ADGRB3: variants seen among roughly 807,000 people sequenced by gnomAD.
The protein encoded by ADGRB3 is brain-specific angiogenesis inhibitor 3.
A neutral mutation model predicts 193.4 loss-of-function variants in ADGRB3; 37 were observed. That is an observed-to-expected ratio of 0.19 (90% CI 0.15 to 0.25). The LOEUF is 0.25. ADGRB3 is among the 10% of genes least tolerant of loss of function. The pLI is 1.00. For missense variants in ADGRB3, 1,637 were observed against 1,852.9 expected, an observed-to-expected ratio of 0.88 and a Z score of 2.14; for synonymous variants, 690 against 644.2, an observed-to-expected ratio of 1.07 and a Z score of -1.08.
At chr6:69,178,622 G>C (rs749422514) in intron 17 of ADGRB3, among the ~76,000 whole-genome samples, 2 of 152,058 alleles carry the variant, frequency 1.3e-5, no homozygotes, top group Non-Finnish European at 2.9e-5. Context: ...ACTCCCTTAA[G>C]GATTTCTCAT....
chr6:69,017,574 T>C (rs1770131739), intron 12 of ADGRB3, among the ~76,000 whole-genome samples: 3 of 151,930 alleles, frequency 2.0e-5, no homozygotes, highest in Non-Finnish European at 4.4e-5. Flanking sequence ...CACTCGTCCA[T>C]TTGTACTGTA....
chr6:69,304,935 G>A (rs1267852290), intron 20 of ADGRB3, among the ~76,000 whole-genome samples: 1 of 151,486 alleles, frequency 6.6e-6, no homozygotes, highest in Non-Finnish European at 1.5e-5. Flanking sequence ...CAAACATTTA[G>A]GATGAAGTTT....
intron 22 of ADGRB3, among the ~76,000 whole-genome samples, chr6:69,328,385 G>A (rs1377307970): frequency 6.6e-6 from 1 of 152,166 alleles, no homozygotes; most frequent in Admixed American, 6.5e-5. Context: ...GACCGTGGAA[G>A]AAATTAAAAG....
At chr6:68,900,578 T>A (rs1454089287) in intron 3 of ADGRB3, among the ~76,000 whole-genome samples, 2 of 152,140 alleles carry the variant, frequency 1.3e-5, no homozygotes, top group Non-Finnish European at 2.9e-5. Context: ...TGAATTTCAG[T>A]CAGTGTCCTT....
At chr6:69,126,224 TA>T (rs928526483) in intron 17 of ADGRB3, among the ~76,000 whole-genome samples, 21 of 77,978 alleles carry the variant, frequency 2.7e-4, no homozygotes, top group Non-Finnish European at 3.6e-4. Flanking sequence ...GATAGATAAA[TA>T]GATACACACA....
intron 20 of ADGRB3, among the ~76,000 whole-genome samples, chr6:69,257,211 G>A (rs922045331): frequency 9.2e-5 from 14 of 152,180 alleles, no homozygotes; most frequent in Admixed American, 6.5e-4. Flanking sequence ...AATGATGCTG[G>A]CCTCATAAAA....
At chr6:69,303,226 A>G (rs1214441233) in intron 20 of ADGRB3, among the ~76,000 whole-genome samples, 3 of 151,886 alleles carry the variant, frequency 2.0e-5, no homozygotes, top group African/African-American at 7.2e-5. Flanking sequence ...TGAACACTGA[A>G]ACTAAAGCAA....
At chr6:69,254,886 T>C (rs1766719278) in intron 20 of ADGRB3, among the ~76,000 whole-genome samples, 1 of 120,298 alleles carries the variant, frequency 8.3e-6, no homozygotes. Flanking sequence ...GTCCCCAGAG[T>C]GTGATGTTCC....
intron 20 of ADGRB3, among the ~76,000 whole-genome samples, chr6:69,282,141 T>C (rs1287229507): frequency 6.6e-6 from 1 of 152,162 alleles, no homozygotes; most frequent in African/African-American, 2.4e-5. Context: ...CCACTCTGTT[T>C]TCTCAAGAGC....
chr6:68,882,313 T>A (rs1765754494), intron 3 of ADGRB3, among the ~76,000 whole-genome samples: 1 of 152,148 alleles, frequency 6.6e-6, no homozygotes, highest in Non-Finnish European at 1.5e-5. Context: ...ATGTATGTAG[T>A]TTGCATACAA....
chr6:69,240,245 G>T (rs1258502699), intron 20 of ADGRB3, among the ~76,000 whole-genome samples: 2 of 152,036 alleles, frequency 1.3e-5, no homozygotes, highest in African/African-American at 2.4e-5. Context: ...TGCTTTAAGT[G>T]ATTCTGATAA....
At chr6:69,244,296 G>T (rs1054974607) in intron 20 of ADGRB3, among the ~76,000 whole-genome samples, 1 of 152,038 alleles carries the variant, frequency 6.6e-6, no homozygotes, top group African/African-American at 2.4e-5. Flanking sequence ...TGAATAGAGA[G>T]AATTAGAAAA....
chr6:68,870,871 T>G (rs1364763772), intron 3 of ADGRB3, among the ~76,000 whole-genome samples: 2 of 152,196 alleles, frequency 1.3e-5, no homozygotes. Flanking sequence ...GATTGCTATG[T>G]TATTAAACCA....
intron 8 of ADGRB3, among the ~76,000 whole-genome samples, chr6:68,974,468 G>T (rs1332965562): frequency 6.6e-6 from 1 of 151,856 alleles, no homozygotes; most frequent in Non-Finnish European, 1.5e-5. Context: ...TCTCTACGTA[G>T]AATTAAAACA....
intron 20 of ADGRB3, among the ~76,000 whole-genome samples, chr6:69,267,392 G>T (rs1767070934): frequency 6.6e-6 from 1 of 152,058 alleles, no homozygotes; most frequent in South Asian, 2.1e-4. Flanking sequence ...TGGTTCTCAG[G>T]CTACCCGGAG....
chr6:69,201,501 T>G (rs190689403), intron 17 of ADGRB3, among the ~76,000 whole-genome samples: 1 of 152,216 alleles, frequency 6.6e-6, no homozygotes, highest in East Asian at 1.9e-4. Context: ...TCTTTGATTG[T>G]TTTGTTTCCT....
intron 20 of ADGRB3, among the ~76,000 whole-genome samples, chr6:69,311,155 T>G (rs1253045668): frequency 1.3e-5 from 2 of 151,804 alleles, no homozygotes; most frequent in East Asian, 3.9e-4. Context: ...ACTGAAATTT[T>G]TATTTGCTTC....
intron 20 of ADGRB3, among the ~76,000 whole-genome samples, chr6:69,251,325 T>C (rs530472415): frequency 6.6e-6 from 1 of 152,346 alleles, no homozygotes; most frequent in East Asian, 1.9e-4. Flanking sequence ...TCCTCTGAAA[T>C]GAGCACTCTC....
chr6:69,220,938 T>A (rs1765881133), intron 17 of ADGRB3, among the ~76,000 whole-genome samples: 1 of 152,040 alleles, frequency 6.6e-6, no homozygotes, highest in Non-Finnish European at 1.5e-5. Flanking sequence ...TCCACACTCC[T>A]ACAATTTCTG....
Sources: allele counts gnomAD v4.1 joint callset (sites outside exome capture counted in the v4.1 genomes callset), GRCh38; gene constraint gnomAD v4.1.1; transcripts MANE v1.5; gene names NCBI Gene and HGNC (gene_info 2026-07-23, HGNC 2026-07-21).